NOL4: variants seen among roughly 807,000 people sequenced by gnomAD.
The protein encoded by NOL4 is nucleolar protein 4.
In NOL4, 17 loss-of-function variants were observed where a neutral mutation model predicts 75.9. The observed-to-expected ratio is 0.22, with a 90% CI of 0.15 to 0.34. The LOEUF is 0.34. NOL4 is among the 10% of genes least tolerant of loss of function. NOL4 has a pLI of 1.00. For missense variants in NOL4, 614 were observed against 793.5 expected (o/e 0.77, Z 2.72); for synonymous variants, 292 against 289.9 (o/e 1.01, Z -0.07).
intron 5 of NOL4, among the ~76,000 whole-genome samples, chr18:34,049,887 G>A (rs2076560082): frequency 6.6e-6 from 1 of 152,092 alleles, no homozygotes; most frequent in South Asian, 2.1e-4. Flanking sequence ...TGGCCTTCTA[G>A]AAAATCATAG....
chr18:33,993,830 A>G (rs933879000), intron 6 of NOL4, among the ~76,000 whole-genome samples: 16 of 151,864 alleles, frequency 1.1e-4, no homozygotes, highest in African/African-American at 3.9e-4. Context: ...AATCTACTAG[A>G]AGGGATTAAC....
intron 1 of NOL4, among the ~76,000 whole-genome samples, chr18:34,188,124 T>C (rs980094606): frequency 1.3e-5 from 2 of 152,220 alleles, no homozygotes; most frequent in African/African-American, 4.8e-5. Flanking sequence ...TCCATGTTAA[T>C]TACAGGCGTT....
chr18:33,893,997 T>G (rs1368711822), intron 9 of NOL4, among the ~76,000 whole-genome samples: 1 of 152,174 alleles, frequency 6.6e-6, no homozygotes, highest in African/African-American at 2.4e-5. Flanking sequence ...CTCTTTGTAA[T>G]CTATATGAAA....
chr18:34,204,148 A>C (rs2035956031), intron 1 of NOL4, among the ~76,000 whole-genome samples: 1 of 151,958 alleles, frequency 6.6e-6, no homozygotes, highest in South Asian at 2.1e-4. Context: ...CATATATAAC[A>C]CCTTATTATT....
chr18:34,206,941 T>C (rs1384593263), intron 1 of NOL4, among the ~76,000 whole-genome samples: 2 of 152,070 alleles, frequency 1.3e-5, no homozygotes, highest in Non-Finnish European at 2.9e-5. Flanking sequence ...ATAATTTCTA[T>C]TGAGTCCATG....
rs1212638265 is a variant in NOL4 at position 34,201,167 on chromosome 18, C to T, written c.264+21823G>A. ...AAAATGATATTCTGTTGGTTTTTTACATTATCATTTCCAAAAACACATTTA... is the reference window on the plus strand; with the variant it reads ...AAAATGATATTCTGTTGGTTTTTTATATTATCATTTCCAAAAACACATTTA... On this transcript the variant is annotated intron_variant, in intron 1 of 10. Transcript: ENST00000261592. Among the ~76,000 whole-genome samples, 4 of 151,758 alleles carry T rather than the reference C, an allele frequency of 2.6e-5. No homozygotes were observed. The South Asian group carries it at 6.2e-4, about 24-fold the overall frequency.
At chr18:33,873,588 A>C (rs1184688903) in intron 10 of NOL4, among the ~76,000 whole-genome samples, 13 of 152,046 alleles carry the variant, frequency 8.6e-5, no homozygotes, top group Admixed American at 8.5e-4. Flanking sequence ...TTAAGAAGAC[A>C]TCCTTAACTT....
intron 5 of NOL4, among the ~76,000 whole-genome samples, chr18:34,071,573 G>A (rs988454607): frequency 3.9e-5 from 6 of 151,932 alleles, no homozygotes; most frequent in Non-Finnish European, 5.9e-5. Flanking sequence ...GTATCTATAC[G>A]ACCATTCTGT....
At chr18:34,179,528 A>C (rs1481073374) in intron 1 of NOL4, among the ~76,000 whole-genome samples, 2 of 151,626 alleles carry the variant, frequency 1.3e-5, no homozygotes, top group Non-Finnish European at 3.0e-5. Context: ...AAAAAAGTAT[A>C]TTACTACCAA....
chr18:33,968,654 T>C (rs1262446306), intron 6 of NOL4, among the ~76,000 whole-genome samples: 1 of 151,826 alleles, frequency 6.6e-6, no homozygotes, highest in Non-Finnish European at 1.5e-5. Context: ...GGGGAAAGGG[T>C]TTAAAAACTA....
At chr18:33,888,950 A>G (rs1053991489) in intron 9 of NOL4, among the ~76,000 whole-genome samples, 6 of 152,128 alleles carry the variant, frequency 3.9e-5, no homozygotes, top group African/African-American at 1.4e-4. Context: ...TAACATCACT[A>G]TTAAAAGAAC....
intron 1 of NOL4, among the ~76,000 whole-genome samples, chr18:34,150,645 GATAAA>G (rs1178384044): frequency 6.6e-6 from 1 of 151,594 alleles, no homozygotes; most frequent in Non-Finnish European, 1.5e-5. Context: ...TGTCCTAGAA[GATAAA>G]ATAAGAGAAA....
intron 6 of NOL4, among the ~76,000 whole-genome samples, chr18:34,016,537 C>A (rs976375893): frequency 1.3e-5 from 2 of 152,058 alleles, no homozygotes; most frequent in African/African-American, 2.4e-5. Flanking sequence ...CTTGCAAATA[C>A]CCATGCCAGG....
At chr18:34,089,207 A>T (rs1390719015) in intron 5 of NOL4, among the ~76,000 whole-genome samples, 1 of 152,136 alleles carries the variant, frequency 6.6e-6, no homozygotes, top group Non-Finnish European at 1.5e-5. Context: ...ATTAGGAAGG[A>T]TTTATAAAAA....
rs538970974 is a variant in NOL4 at position 34,036,627 on chromosome 18, T to G, written c.773-17026A>C. 1.2e-4 allele frequency among the ~76,000 whole-genome samples: 18 copies of G among 152,196 alleles called. No homozygotes were observed. The South Asian group carries it at 3.7e-3, about 32-fold the overall frequency. Reference sequence around the variant, plus strand: ...AGCCAAGGCAATGAGGCAATAGCAATAAATAAATGGCATCAGCCCAGCACA... The same window carrying G: ...AGCCAAGGCAATGAGGCAATAGCAAGAAATAAATGGCATCAGCCCAGCACA... On this transcript the variant is annotated intron_variant, in intron 5 of 10. Coordinates refer to ENST00000261592, the MANE Select transcript of NOL4 (RefSeq NM_003787.5).
intron 10 of NOL4, among the ~76,000 whole-genome samples, chr18:33,881,733 G>A (rs2064290225): frequency 6.6e-6 from 1 of 152,092 alleles, no homozygotes; most frequent in Admixed American, 6.6e-5. Context: ...CCAAAAACGA[G>A]CCCGCATTGC....
intron 2 of NOL4, chr18:34,128,892 GAA>G: frequency 5.2e-6 from 5 of 958,170 alleles, no homozygotes; most frequent in South Asian, 4.8e-5. Context: ...TTCTGTATCT[GAA>G]AAAAAAATGG....
intron 1 of NOL4, among the ~76,000 whole-genome samples, chr18:34,207,638 C>T (rs1159615236): frequency 3.3e-5 from 5 of 152,218 alleles, no homozygotes; most frequent in African/African-American, 4.8e-5. Context: ...CCCTCACACT[C>T]TCTAATTCCC....
intron 2 of NOL4, among the ~76,000 whole-genome samples, chr18:34,109,100 C>A (rs772580200): frequency 6.6e-6 from 1 of 151,910 alleles, no homozygotes; most frequent in East Asian, 1.9e-4. Context: ...AAGAAGAAAT[C>A]AAACAGGAAA....
Sources: allele counts gnomAD v4.1 joint callset (sites outside exome capture counted in the v4.1 genomes callset), GRCh38; gene constraint gnomAD v4.1.1; transcripts MANE v1.5; gene names NCBI Gene and HGNC (gene_info 2026-07-23, HGNC 2026-07-21).